FARS2: variants seen among roughly 807,000 people sequenced by gnomAD.
The protein encoded by FARS2 is phenylalanine--tRNA ligase, mitochondrial.
A neutral mutation model predicts 46.4 loss-of-function variants in FARS2; 40 were observed. The ratio of observed to expected loss-of-function variants is 0.86; its 90% CI spans 0.67 to 1.12. The LOEUF is 1.12. FARS2 is among the 50% of genes most tolerant of loss of function. FARS2 has a pLI of 0.00. For synonymous variants in FARS2, 234 were observed against 214.9 expected (o/e 1.09, Z -0.78); for missense variants, 513 against 567.9 (o/e 0.90, Z 0.98).
At chr6:5,449,102 A>G (rs909966147) in intron 4 of FARS2, among the ~76,000 whole-genome samples, 6 of 152,174 alleles carry the variant, frequency 3.9e-5, no homozygotes, top group African/African-American at 1.4e-4. Flanking sequence ...TAATCCTAGC[A>G]TTTTGGGAGG....
In FARS2 at chr6:5,475,299, G is replaced by A. The variant is rs75891505; in HGVS notation, c.904+44127G>A. 8.7e-3 allele frequency among the ~76,000 whole-genome samples: 1,329 copies of A among 152,262 alleles called. 9 individuals are homozygous for A. Among genetic ancestry groups the A allele is most frequent in the African/African-American group, 0.03 (1,262 of 41,550 alleles). On this transcript the variant is annotated intron_variant, in intron 4 of 6. Transcript: ENST00000274680. The stretch of plus-strand genomic sequence containing the variant: ...TTGAAGAGAAGTATATTTTAGGCAC[G>A]TGCAAGAATGTGGGCGTAGTACTAC...
At chr6:5,570,055 A>T (rs1772553422) in intron 5 of FARS2, among the ~76,000 whole-genome samples, 2 of 152,346 alleles carry the variant, frequency 1.3e-5, no homozygotes, top group Non-Finnish European at 2.9e-5. Flanking sequence ...AATGCTAGTC[A>T]TCAGCAAAAG....
At chr6:5,642,160 CTGTA>C (rs1776853474) in intron 6 of FARS2, among the ~76,000 whole-genome samples, 1 of 152,124 alleles carries the variant, frequency 6.6e-6, no homozygotes, top group Admixed American at 6.5e-5. Flanking sequence ...GTGTGTATGT[CTGTA>C]TGTGTGTATT....
rs974537207 is a variant in FARS2, at chr6:5,482,170, T to C, written c.904+50998T>C. 3.9e-5 allele frequency among the ~76,000 whole-genome samples: 6 copies of C among 152,194 alleles called. No individual in the cohort carries two copies. The East Asian group carries it at 1.2e-3, about 29-fold the overall frequency. On this transcript the variant is annotated intron_variant, in intron 4 of 6. Transcript: ENST00000274680. ...TTGAATCAGATGGAAAATAAATAAATGCCACATTTCAAAAAGTCTAGGAAG... is the reference window on the plus strand; with the variant it reads ...TTGAATCAGATGGAAAATAAATAAACGCCACATTTCAAAAAGTCTAGGAAG...
chr6:5,361,872 A>G (rs1196619090), intron 1 of FARS2, among the ~76,000 whole-genome samples: 1 of 152,206 alleles, frequency 6.6e-6, no homozygotes, highest in Non-Finnish European at 1.5e-5. Flanking sequence ...TTTGTGTACT[A>G]CTTAATGTTT....
intron 2 of FARS2, among the ~76,000 whole-genome samples, chr6:5,381,394 C>CACACACACACACACACAG (rs1759771639): frequency 7.7e-6 from 1 of 130,114 alleles, no homozygotes; most frequent in Non-Finnish European, 1.7e-5. Flanking sequence ...CACACACACA[C>CACACACACACACACACAG]ACACACACAC....
intron 6 of FARS2, among the ~76,000 whole-genome samples, chr6:5,658,319 T>A (rs1387137598): frequency 6.6e-6 from 1 of 152,062 alleles, no homozygotes; most frequent in Non-Finnish European, 1.5e-5. Context: ...TCAATATACA[T>A]TGGTGGTTGT....
intron 6 of FARS2, among the ~76,000 whole-genome samples, chr6:5,709,697 T>TGTGTGCGC (rs148741094): frequency 0.023 from 2,102 of 91,472 alleles, 41 homozygotes; most frequent in South Asian, 0.066. Context: ...TGTGTGTGTG[T>TGTGTGCGC]GCGCATGCAC....
chr6:5,282,511 C>T (rs1051084807), intron 1 of FARS2, among the ~76,000 whole-genome samples: 14 of 152,102 alleles, frequency 9.2e-5, no homozygotes, highest in African/African-American at 3.4e-4. Flanking sequence ...ATGGGCATTC[C>T]TGATAAAGGA....
intron 4 of FARS2, among the ~76,000 whole-genome samples, chr6:5,538,246 C>G (rs912365936): frequency 6.6e-6 from 1 of 151,868 alleles, no homozygotes; most frequent in Non-Finnish European, 1.5e-5. Context: ...GAAAATTATA[C>G]CTACCTTGGT....
At chr6:5,595,744 T>C (rs1164560240) in intron 5 of FARS2, among the ~76,000 whole-genome samples, 1 of 152,120 alleles carries the variant, frequency 6.6e-6, no homozygotes. Flanking sequence ...AGTAAACATG[T>C]ATATGTTTAC....
intron 5 of FARS2, among the ~76,000 whole-genome samples, chr6:5,594,743 G>T (rs935857879): frequency 1.3e-5 from 2 of 152,218 alleles, no homozygotes; most frequent in African/African-American, 2.4e-5. Flanking sequence ...TGAGCTCAGA[G>T]GAGGGACCCG....
At chr6:5,761,927 C>T (rs1030694737) in intron 6 of FARS2, among the ~76,000 whole-genome samples, 1 of 152,084 alleles carries the variant, frequency 6.6e-6, no homozygotes, top group African/African-American at 2.4e-5. Context: ...ACATGAGACT[C>T]ATTGCAGCCC....
intron 2 of FARS2, among the ~76,000 whole-genome samples, chr6:5,378,485 C>G (rs1400173943): frequency 6.6e-6 from 1 of 152,210 alleles, no homozygotes; most frequent in African/African-American, 2.4e-5. Context: ...CTGGAACCCT[C>G]CTGTTCTTGG....
chr6:5,486,936 A>G (rs991839435), intron 4 of FARS2, among the ~76,000 whole-genome samples: 4 of 152,168 alleles, frequency 2.6e-5, no homozygotes, highest in African/African-American at 9.7e-5. Context: ...GAATTGTTTG[A>G]TTTACCTACT....
chr6:5,481,182 G>A (rs1766434039), intron 4 of FARS2, among the ~76,000 whole-genome samples: 2 of 152,196 alleles, frequency 1.3e-5, no homozygotes, highest in Admixed American at 6.5e-5. Flanking sequence ...GGTTCAGAAC[G>A]GGTACCACCT....
rs141613481 is a variant in FARS2, at chr6:5,533,534, C to T, written c.905-11646C>T. On this transcript the variant is annotated intron_variant, in intron 4 of 6. Transcript: ENST00000274680. Reference sequence around the variant, plus strand: ...TTGCTATGTGCCAGTGTTCCAGCCACTCGAGATGGATCAGTGACGAAAACC... The same window carrying T: ...TTGCTATGTGCCAGTGTTCCAGCCATTCGAGATGGATCAGTGACGAAAACC... 5.8e-3 allele frequency among the ~76,000 whole-genome samples: 877 copies of T among 152,338 alleles called. 8 individuals are homozygous for T. Among genetic ancestry groups the T allele is most frequent in the Non-Finnish European group, 8.1e-3 (553 of 68,036 alleles).
At chr6:5,332,949 C>T (rs1752928210) in intron 1 of FARS2, among the ~76,000 whole-genome samples, 1 of 152,128 alleles carries the variant, frequency 6.6e-6, no homozygotes. Context: ...TCTTAGTTGA[C>T]CCAGCTCTTA....
chr6:5,378,183 C>T (rs986452385), intron 2 of FARS2, among the ~76,000 whole-genome samples: 17 of 152,032 alleles, frequency 1.1e-4, no homozygotes, highest in Non-Finnish European at 1.5e-4. Flanking sequence ...CATGCTCATT[C>T]GCCATTTCCT....
Sources: allele counts gnomAD v4.1 joint callset (sites outside exome capture counted in the v4.1 genomes callset), GRCh38; gene constraint gnomAD v4.1.1; transcripts MANE v1.5; gene names NCBI Gene and HGNC (gene_info 2026-07-23, HGNC 2026-07-21).